The following CCSER1 variants were observed in gnomAD, a reference collection of about 807,000 sequenced individuals.
CCSER1 encodes the protein coiled-coil serine rich protein 1.
Under a neutral mutation model 82.0 loss-of-function variants are expected in CCSER1, and 41 were observed. The observed-to-expected ratio is 0.50, with a 90% CI of 0.39 to 0.65. CCSER1 has a LOEUF of 0.65. Ranked by LOEUF, CCSER1 falls within the 30% of genes least tolerant of loss-of-function variation. CCSER1 has a pLI of 0.00. For synonymous variants in CCSER1, 414 were observed against 383.9 expected (o/e 1.08, Z -0.92); for missense variants, 1,119 against 1,064.2 (o/e 1.05, Z -0.72).
chr4:90,976,022 C>T (rs1436361137), intron 9 of CCSER1, among the ~76,000 whole-genome samples: 2 of 151,116 alleles, frequency 1.3e-5, no homozygotes, highest in Non-Finnish European at 3.0e-5. Context: ...TCATTTAACT[C>T]CCTTTGTACT....
intron 10 of CCSER1, among the ~76,000 whole-genome samples, chr4:91,280,770 A>G (rs1742855802): frequency 6.6e-6 from 1 of 152,130 alleles, no homozygotes; most frequent in Non-Finnish European, 1.5e-5. Context: ...GTTGCTGCCA[A>G]TGGCTCACAC....
At chr4:90,494,502 T>C (rs7654309) in intron 5 of CCSER1, among the ~76,000 whole-genome samples, 2,446 of 152,104 alleles carry the variant, frequency 0.016, 40 homozygotes, top group African/African-American at 0.047. Context: ...CAAAACTGAC[T>C]ACATATTTGG....
intron 5 of CCSER1, among the ~76,000 whole-genome samples, chr4:90,529,662 A>T (rs1414161906): frequency 6.6e-6 from 1 of 152,200 alleles, no homozygotes; most frequent in Non-Finnish European, 1.5e-5. Flanking sequence ...GATGAGTATG[A>T]ATATGCTGCT....
At chr4:91,340,004 C>A (rs1747604139) in intron 10 of CCSER1, among the ~76,000 whole-genome samples, 1 of 151,932 alleles carries the variant, frequency 6.6e-6, no homozygotes, top group African/African-American at 2.4e-5. Context: ...GTAATCCCAG[C>A]AATTCAGTAG....
chr4:90,275,990 T>G (rs1727459743), intron 1 of CCSER1, among the ~76,000 whole-genome samples: 1 of 152,132 alleles, frequency 6.6e-6, no homozygotes, highest in Non-Finnish European at 1.5e-5. Flanking sequence ...GCATTAAAAG[T>G]TTGGGAGAAG....
At position 90,774,595 on chromosome 4, in the gene CCSER1, G is replaced by T. The variant is rs11930648; in HGVS notation, c.2011-41167G>T. ...CTGTACTTTGCACCTTCTTCACTAA[G>T]AATTGATCTGATAAATCCCTTTTTG... On this transcript the variant is annotated intron_variant, in intron 7 of 10. Transcript: ENST00000509176. 4.5e-3 allele frequency among the ~76,000 whole-genome samples: 688 copies of T among 152,172 alleles called. 5 individuals carry two copies. The highest frequency in any genetic ancestry group is 0.016 in the African/African-American group (663 of 41,538).
In CCSER1 at chr4:91,059,009, A is replaced by G. The variant is rs115148963; in HGVS notation, c.2173-26941A>G. On this transcript the variant is annotated intron_variant, in intron 9 of 10. Coordinates refer to ENST00000509176, the MANE Select transcript of CCSER1 (RefSeq NM_001145065.2). ...CCCCAAAGCACAAGATACCAAATCT[A>G]TTTCCCACGCAAAAATAAGAAATGT... is the stretch of plus-strand genomic sequence containing the variant. Among the ~76,000 whole-genome samples, 1,504 of 152,092 alleles carry G rather than the reference A, an allele frequency of 9.9e-3. 38 individuals are homozygous for G. The highest frequency in any genetic ancestry group is 0.035 in the African/African-American group (1,449 of 41,512).
chr4:90,383,525 G>A (rs1210541002), intron 3 of CCSER1, among the ~76,000 whole-genome samples: 1 of 152,030 alleles, frequency 6.6e-6, no homozygotes, highest in African/African-American at 2.4e-5. Flanking sequence ...CAAACATCTG[G>A]AAAAATGCTA....
intron 10 of CCSER1, among the ~76,000 whole-genome samples, chr4:91,230,765 T>C (rs1262443230): frequency 6.6e-6 from 1 of 151,868 alleles, no homozygotes; most frequent in African/African-American, 2.4e-5. Context: ...AAATCCTTAA[T>C]CAGAAGACAA....
intron 1 of CCSER1, among the ~76,000 whole-genome samples, chr4:90,304,238 G>A (rs1733765169): frequency 6.6e-6 from 1 of 152,182 alleles, no homozygotes; most frequent in Non-Finnish European, 1.5e-5. Flanking sequence ...AAGTCAGTGT[G>A]GCGATTCCTC....
intron 6 of CCSER1, among the ~76,000 whole-genome samples, chr4:90,709,416 T>A (rs1740052271): frequency 2.0e-5 from 3 of 152,038 alleles, no homozygotes; most frequent in African/African-American, 7.2e-5. Context: ...TAGCTATTCT[T>A]CCTGATACTC....
intron 10 of CCSER1, among the ~76,000 whole-genome samples, chr4:91,314,705 T>G (rs1045051856): frequency 6.6e-6 from 1 of 152,014 alleles, no homozygotes; most frequent in African/African-American, 2.4e-5. Context: ...CACTGCCTTC[T>G]AAGATTCTCA....
chr4:91,278,822 C>T (rs1742681045), intron 10 of CCSER1, among the ~76,000 whole-genome samples: 1 of 151,478 alleles, frequency 6.6e-6, no homozygotes, highest in South Asian at 2.1e-4. Flanking sequence ...TATTTGAGTC[C>T]TTTGTTTTTC....
intron 3 of CCSER1, among the ~76,000 whole-genome samples, chr4:90,321,104 A>G (rs1024348928): frequency 2.0e-5 from 3 of 152,134 alleles, no homozygotes; most frequent in Non-Finnish European, 4.4e-5. Context: ...TTTAAAATAT[A>G]CAATAAATAA....
At chr4:90,260,299 T>A (rs1449425541) in intron 1 of CCSER1, among the ~76,000 whole-genome samples, 1 of 152,168 alleles carries the variant, frequency 6.6e-6, no homozygotes, top group Non-Finnish European at 1.5e-5. Context: ...TTTTGTGGTA[T>A]TGGTTATAAA....
chr4:91,150,616 G>T (rs1730077071), intron 10 of CCSER1, among the ~76,000 whole-genome samples: 1 of 152,100 alleles, frequency 6.6e-6, no homozygotes, highest in Non-Finnish European at 1.5e-5. Context: ...CTGGCTGTGG[G>T]TTTGTCATAA....
intron 9 of CCSER1, among the ~76,000 whole-genome samples, chr4:91,000,229 A>AGTATAGTATAGTATAG (rs1737904728): frequency 9.6e-5 from 1 of 10,412 alleles, no homozygotes; most frequent in Admixed American, 9.3e-4. Context: ...GGTATAGTAT[A>AGTATAGTATAGTATAG]GTATAGTATA....
intron 10 of CCSER1, among the ~76,000 whole-genome samples, chr4:91,155,263 C>G (rs1032742921): frequency 1.3e-5 from 2 of 151,792 alleles, no homozygotes; most frequent in African/African-American, 2.4e-5. Context: ...CCATGCTGTT[C>G]TTGTGATACT....
chr4:90,609,122 A>T (rs978828306), intron 5 of CCSER1, among the ~76,000 whole-genome samples: 3 of 152,100 alleles, frequency 2.0e-5, no homozygotes, highest in Non-Finnish European at 4.4e-5. Flanking sequence ...ACCATAATAG[A>T]AGTGTGATTA....
Sources: gnomAD v4.1 joint callset for allele counts (sites outside exome capture counted in the v4.1 genomes callset) on GRCh38, gnomAD v4.1.1 for gene constraint, MANE v1.5 for transcripts, NCBI Gene and HGNC (gene_info 2026-07-23, HGNC 2026-07-21) for gene names.